CADM2: variants seen among roughly 807,000 people sequenced by gnomAD.
The protein encoded by CADM2 is immunoglobulin superfamily member 4D.
A neutral mutation model predicts 49.8 loss-of-function variants in CADM2; 12 were observed. The ratio of observed to expected loss-of-function variants is 0.24; its 90% CI spans 0.15 to 0.39. The LOEUF (loss-of-function observed/expected upper bound fraction) is 0.39, where lower values mean the gene tolerates loss of function less well. CADM2 is among the 10% of genes least tolerant of loss of function. The pLI is 1.00. For missense variants in CADM2, 378 were observed against 492.3 expected, an observed-to-expected ratio of 0.77 and a Z score of 2.20; for synonymous variants, 214 against 175.4, an observed-to-expected ratio of 1.22 and a Z score of -1.74.
At chr3:85,466,985 T>G (rs1025080901) in intron 1 of CADM2, among the ~76,000 whole-genome samples, 3 of 152,188 alleles carry the variant, frequency 2.0e-5, no homozygotes, top group African/African-American at 4.8e-5. Context: ...GCTTCAATAC[T>G]TTTCTAGAAT....
chr3:85,305,827 T>C (rs528377055), intron 1 of CADM2, among the ~76,000 whole-genome samples: 4 of 151,828 alleles, frequency 2.6e-5, no homozygotes, highest in Non-Finnish European at 5.9e-5. Context: ...TTAGAACACA[T>C]TTCAAGTTAA....
At chr3:86,054,307 A>C (rs1319886638) in intron 8 of CADM2, among the ~76,000 whole-genome samples, 1 of 152,122 alleles carries the variant, frequency 6.6e-6, no homozygotes, top group Non-Finnish European at 1.5e-5. Flanking sequence ...ATAACTTATA[A>C]TTATCATCAG....
rs2067403350 is a variant in CADM2 at position 85,718,972 on chromosome 3, G to A, written c.62-7550G>A. ...CTGTCAGCCAGGCTGGAGTGCAGTG[G>A]CACAATCTCAGTTCACTGCAACCTC... is the stretch of plus-strand genomic sequence containing the variant. On this transcript the variant is annotated intron_variant, in intron 1 of 9. Transcript: ENST00000383699. 3.3e-5 allele frequency among the ~76,000 whole-genome samples: 5 copies of A among 150,790 alleles called. No homozygotes were observed. In the South Asian group the frequency reaches 1.0e-3, roughly 32 times the overall value.
At chr3:85,835,869 C>A (rs2074388213) in intron 3 of CADM2, among the ~76,000 whole-genome samples, 1 of 150,380 alleles carries the variant, frequency 6.6e-6, no homozygotes, top group African/African-American at 2.4e-5. Context: ...TGAAATTTCT[C>A]ATTAATTAGG....
At chr3:85,233,377 A>G (rs2042341406) in intron 1 of CADM2, among the ~76,000 whole-genome samples, 2 of 152,128 alleles carry the variant, frequency 1.3e-5, no homozygotes, top group Non-Finnish European at 1.5e-5. Context: ...TAAGGTAACC[A>G]TGGACCTTAA....
At chr3:85,977,783 A>G (rs1464758452) in intron 8 of CADM2, among the ~76,000 whole-genome samples, 1 of 151,630 alleles carries the variant, frequency 6.6e-6, no homozygotes, top group South Asian at 2.1e-4. Context: ...GAGTTTTAAG[A>G]AGGTTGTTTT....
At chr3:85,979,582 C>T (rs1727226382) in intron 8 of CADM2, among the ~76,000 whole-genome samples, 1 of 151,424 alleles carries the variant, frequency 6.6e-6, no homozygotes, top group Admixed American at 6.6e-5. Flanking sequence ...CAGTTTTTGC[C>T]TGTCTTGAGA....
chr3:85,189,375 T>C (rs1050426776), intron 1 of CADM2, among the ~76,000 whole-genome samples: 1 of 152,126 alleles, frequency 6.6e-6, no homozygotes, highest in Non-Finnish European at 1.5e-5. Flanking sequence ...TAAATAATTT[T>C]TCATACCCAA....
At chr3:85,763,067 G>GTCA (rs2069470884) in intron 2 of CADM2, among the ~76,000 whole-genome samples, 1 of 152,048 alleles carries the variant, frequency 6.6e-6, no homozygotes, top group Admixed American at 6.6e-5. Flanking sequence ...AGAGCTTCCT[G>GTCA]ATAAGACAAT....
intron 1 of CADM2, among the ~76,000 whole-genome samples, chr3:85,713,661 A>G (rs529216122): frequency 9.8e-5 from 15 of 152,304 alleles, no homozygotes; most frequent in African/African-American, 3.4e-4. Flanking sequence ...ACTTGCGTCT[A>G]TATGTCAGAG....
chr3:85,874,474 T>C (rs1392106330), intron 3 of CADM2, among the ~76,000 whole-genome samples: 1 of 152,172 alleles, frequency 6.6e-6, no homozygotes, highest in Non-Finnish European at 1.5e-5. Flanking sequence ...CTCTTTGATA[T>C]AAATGCTACA....
At chr3:85,528,326 GCACACT>G (rs10580985) in intron 1 of CADM2, among the ~76,000 whole-genome samples, 30,246 of 134,226 alleles carry the variant, frequency 0.23, 3,784 homozygotes, top group East Asian at 0.44. Flanking sequence ...GCATACTCAC[GCACACT>G]CACATGCACA....
intron 1 of CADM2, among the ~76,000 whole-genome samples, chr3:85,323,014 C>G (rs2044656962): frequency 6.6e-6 from 1 of 152,166 alleles, no homozygotes; most frequent in Admixed American, 6.5e-5. Context: ...TTGTCCATGT[C>G]CATGGATATG....
At chr3:85,170,043 C>A (rs2040577414) in intron 1 of CADM2, among the ~76,000 whole-genome samples, 1 of 152,036 alleles carries the variant, frequency 6.6e-6, no homozygotes, top group Admixed American at 6.6e-5. Context: ...AACTAAAGAA[C>A]CCTCAATAGA....
intron 1 of CADM2, among the ~76,000 whole-genome samples, chr3:85,324,418 G>T (rs1041283979): frequency 6.6e-6 from 1 of 152,054 alleles, no homozygotes; most frequent in Admixed American, 6.6e-5. Context: ...TATCAATTAA[G>T]TATACTCCTA....
intron 1 of CADM2, among the ~76,000 whole-genome samples, chr3:85,280,865 G>T (rs945886000): frequency 6.6e-6 from 1 of 151,478 alleles, no homozygotes; most frequent in African/African-American, 2.4e-5. Context: ...CTGAAACAAA[G>T]ATATACTTTA....
At chr3:85,215,154 G>A (rs2041889323) in intron 1 of CADM2, among the ~76,000 whole-genome samples, 1 of 151,920 alleles carries the variant, frequency 6.6e-6, no homozygotes, top group Non-Finnish European at 1.5e-5. Flanking sequence ...TCAAGGCTCA[G>A]TGGCTCTTTA....
chr3:85,659,013 T>C (rs1459448678), intron 1 of CADM2, among the ~76,000 whole-genome samples: 1 of 150,100 alleles, frequency 6.7e-6, no homozygotes, highest in East Asian at 2.0e-4. Flanking sequence ...AAATGCACCA[T>C]TGCACTTCAG....
intron 2 of CADM2, among the ~76,000 whole-genome samples, chr3:85,740,978 C>A (rs1432873696): frequency 2.6e-5 from 4 of 152,152 alleles, no homozygotes; most frequent in Non-Finnish European, 5.9e-5. Context: ...TAGTTCAGGA[C>A]AACAATTCTC....
Sources: allele counts gnomAD v4.1 joint callset (sites outside exome capture counted in the v4.1 genomes callset), GRCh38; gene constraint gnomAD v4.1.1; transcripts MANE v1.5; gene names NCBI Gene and HGNC (gene_info 2026-07-23, HGNC 2026-07-21).